The following EIF3CL variants were observed in gnomAD, a reference collection of about 807,000 sequenced individuals.
The protein encoded by EIF3CL is eukaryotic translation initiation factor 3 subunit C like.
For missense variants in EIF3CL, 5 were observed against 56.1 expected (o/e 0.09, Z 2.91); for synonymous variants, 2 against 19.6 (o/e 0.10, Z 2.37).
At chr16:28,419,570 A>AT in the EIF3CL span, among the ~76,000 whole-genome samples, 1 of 116,868 alleles carries the variant, frequency 8.6e-6, no homozygotes, top group Non-Finnish European at 1.8e-5. Flanking sequence ...ACTTTTAGTG[A>AT]TGAGCCACAG....
At chr16:28,415,807 TCTCCCTCTTCC>T in the EIF3CL span, among the ~76,000 whole-genome samples, 1 of 78,828 alleles carries the variant, frequency 1.3e-5, no homozygotes, top group Non-Finnish European at 3.3e-5. Context: ...TCCCTCTCCC[TCTCCCTCTTCC>T]TCTCCCTCTC....
the EIF3CL span, among the ~76,000 whole-genome samples, chr16:28,418,099 G>A: frequency 6.6e-6 from 1 of 150,538 alleles, no homozygotes; most frequent in Non-Finnish European, 1.5e-5. Flanking sequence ...CCCAGCCTCT[G>A]TGCGGGGTAA....
chr16:28,417,807 T>A, the EIF3CL span, among the ~76,000 whole-genome samples: 1 of 133,490 alleles, frequency 7.5e-6, no homozygotes, highest in East Asian at 2.3e-4. Context: ...ACCCAAGAAT[T>A]ATCAATAAAA....
At chr16:28,425,826 G>C in the EIF3CL span, among the ~76,000 whole-genome samples, 1 of 97,830 alleles carries the variant, frequency 1.0e-5, no homozygotes, top group African/African-American at 3.8e-5. Context: ...GCTCACGCCT[G>C]TAATCCCAGC....
the EIF3CL span, chr16:28,414,417 C>A: frequency 1.9e-5 from 6 of 324,282 alleles, no homozygotes; most frequent in Non-Finnish European, 3.0e-5. Context: ...GAAAAGACGG[C>A]TTTAGCAGGA....
intron 15 of EIF3CL, among the ~76,000 whole-genome samples, chr16:28,386,267 A>G (rs2045601241): frequency 1.6e-5 from 1 of 64,046 alleles, no homozygotes; most frequent in African/African-American, 5.5e-5. Context: ...AGGATAGATA[A>G]GGCACTCCTA....
the EIF3CL span, among the ~76,000 whole-genome samples, chr16:28,417,169 C>T: frequency 6.9e-6 from 1 of 144,352 alleles, no homozygotes; most frequent in Admixed American, 6.8e-5. Context: ...GCCCGGCCAG[C>T]CGCCCCGTCC....
the EIF3CL span, chr16:28,414,728 T>A: frequency 1.2e-4 from 47 of 384,572 alleles, 4 homozygotes; most frequent in African/African-American, 3.6e-4. Flanking sequence ...AAGCAGGTGG[T>A]GCAGGAGTAC....
chr16:28,392,602 C>CA (rs1327242584), intron 8 of EIF3CL, among the ~76,000 whole-genome samples: 6 of 111,232 alleles, frequency 5.4e-5, no homozygotes, highest in Non-Finnish European at 9.5e-5. Flanking sequence ...ACTCAGTCTC[C>CA]AAAAAAACAA....
intron 10 of EIF3CL, 93 bp downstream of exon 10, chr16:28,391,659 T>TAC: frequency 2.4e-6 from 1 of 424,052 alleles, no homozygotes. Flanking sequence ...TTCCCTCTAC[T>TAC]ACAGCCACAC....
At chr16:28,423,023 A>G in the EIF3CL span, among the ~76,000 whole-genome samples, 1 of 124,654 alleles carries the variant, frequency 8.0e-6, no homozygotes, top group Non-Finnish European at 1.7e-5. Flanking sequence ...TCTGCAAAAA[A>G]TGCAAAAACT....
At chr16:28,421,757 A>G in the EIF3CL span, among the ~76,000 whole-genome samples, 1 of 113,784 alleles carries the variant, frequency 8.8e-6, no homozygotes, top group Non-Finnish European at 1.9e-5. Context: ...AGTTGCAGTG[A>G]GCTGAGATGG....
the EIF3CL span, among the ~76,000 whole-genome samples, chr16:28,415,856 CTCCG>C: frequency 9.0e-6 from 1 of 111,074 alleles, no homozygotes. Context: ...CCCTCTCCGT[CTCCG>C]TCTCCATCTC....
intron 15 of EIF3CL, among the ~76,000 whole-genome samples, chr16:28,385,457 T>A (rs2045596347): frequency 8.6e-6 from 1 of 116,926 alleles, no homozygotes; most frequent in South Asian, 2.6e-4. Flanking sequence ...GCCTCCTGAG[T>A]AGGTGGGACT....
At chr16:28,402,358 C>T (rs1271454106) in intron 2 of EIF3CL, among the ~76,000 whole-genome samples, 1 of 142,864 alleles carries the variant, frequency 7.0e-6, no homozygotes, top group Non-Finnish European at 1.5e-5. Context: ...GGCGCAATCT[C>T]GGCTCACTAC....
chr16:28,408,304 G>A (rs1256134937), upstream of EIF3CL, among the ~76,000 whole-genome samples: 1 of 70,512 alleles, frequency 1.4e-5, no homozygotes, highest in African/African-American at 4.9e-5. Flanking sequence ...CTCTGTGACT[G>A]GAGACAAACG....
intron 8 of EIF3CL, 98 bp from the exon 9 acceptor site, chr16:28,392,240 G>GGTC (rs2045635167): frequency 3.1e-6 from 1 of 326,254 alleles, no homozygotes; most frequent in East Asian, 8.3e-5. Flanking sequence ...GCAGCTCCTG[G>GGTC]GTCCAAGTTA....
At chr16:28,396,652 T>C (rs1192232032) in intron 8 of EIF3CL, among the ~76,000 whole-genome samples, 1 of 82,212 alleles carries the variant, frequency 1.2e-5, no homozygotes, top group African/African-American at 3.4e-5. Context: ...TGGGCGACAG[T>C]GCAAGACTCT....
At chr16:28,382,279 C>T (rs546183454) in intron 16 of EIF3CL, among the ~76,000 whole-genome samples, 55 of 78,552 alleles carry the variant, frequency 7.0e-4, no homozygotes, top group African/African-American at 2.0e-3. Flanking sequence ...CTCTATAGGC[C>T]GAACAACAGT....
Sources: gnomAD v4.1 joint callset for allele counts (sites outside exome capture counted in the v4.1 genomes callset) on GRCh38, gnomAD v4.1.1 for gene constraint, MANE v1.5 for transcripts, NCBI Gene and HGNC (gene_info 2026-07-23, HGNC 2026-07-21) for gene names.